The following NPY1R variants were observed in gnomAD, a reference collection of about 807,000 sequenced individuals.
The protein encoded by NPY1R is neuropeptide Y receptor Y1.
A neutral mutation model predicts 24.1 loss-of-function variants in NPY1R; 10 were observed. The ratio of observed to expected loss-of-function variants is 0.42; its 90% confidence interval spans 0.26 to 0.71. The LOEUF is 0.71. Among genes scored for constraint, NPY1R ranks in the 30% least tolerant of loss-of-function variants. The pLI is 0.28. For missense variants in NPY1R, 350 were observed against 458.0 expected (o/e 0.76, Z 2.15); for synonymous variants, 168 against 165.9 (o/e 1.01, Z -0.10).
At chr4:163,341,165 AT>A (rs1392925447) in intron 1 of NPY1R, among the ~76,000 whole-genome samples, 1 of 151,938 alleles carries the variant, frequency 6.6e-6, no homozygotes, top group Non-Finnish European at 1.5e-5. Flanking sequence ...CTAAATATTG[AT>A]TTATGTGACA....
In NPY1R at chr4:163,325,247, C is replaced by T; in HGVS notation, c.*56G>A. On this transcript the variant is annotated 3_prime_UTR_variant, in exon 3 of 3. Coordinates refer to ENST00000296533, the MANE Select transcript of NPY1R (RefSeq NM_000909.6). Reference sequence around the variant, plus strand: ...GAGAACAGGTAATCAAAGTATGTTGCAGGTTGTGCTTGTTTTTAAACAGAT... The same window carrying T: ...GAGAACAGGTAATCAAAGTATGTTGTAGGTTGTGCTTGTTTTTAAACAGAT... 5 of 1,192,136 alleles carry T rather than the reference C, an allele frequency of 4.2e-6. No individual in the cohort carries two copies. Among genetic ancestry groups the T allele is most frequent in the Non-Finnish European group, 6.0e-6 (5 of 830,568 alleles). The allele number at this position is 1,192,136 out of a possible 1,614,324, so 73.8% of individuals were successfully genotyped here.
chr4:163,334,328 T>C (rs1327048142), upstream of NPY1R, among the ~76,000 whole-genome samples: 2 of 152,256 alleles, frequency 1.3e-5, no homozygotes, highest in Non-Finnish European at 2.9e-5. Context: ...TGGACTCAGG[T>C]ACTATGCTTT....
chr4:163,334,512 T>C (rs1392406939), upstream of NPY1R, among the ~76,000 whole-genome samples: 1 of 152,218 alleles, frequency 6.6e-6, no homozygotes, highest in African/African-American at 2.4e-5. Context: ...TGAAAGATCA[T>C]TGGTCTCAAG....
At chr4:163,335,273 C>T (rs1254549278), upstream of NPY1R, among the ~76,000 whole-genome samples, 1 of 152,072 alleles carries the variant, frequency 6.6e-6, no homozygotes, top group Non-Finnish European at 1.5e-5. Context: ...TGTTAATGAC[C>T]TAATCTCATG....
Position 163,326,062 on chromosome 4 carries a change from G to C in NPY1R, c.493C>G (p.Leu165Val). 6.2e-7 allele frequency: 1 copy of C among 1,614,042 alleles called. No homozygotes were observed. Among genetic ancestry groups the C allele is most frequent in the Non-Finnish European group, 8.5e-7 (1 of 1,179,954 alleles). The change falls in exon 2 of 3, where the codon CTT becomes GTT. Residue 165 changes from leucine to valine, a missense_variant. Physicochemically the swap from Leu to Val is conservative, Grantham distance 32. Coordinates refer to ENST00000296533, the MANE Select transcript of NPY1R (RefSeq NM_000909.6). ...AYVGIAVIWVLAVASSLPFLI... is the reference protein window; with the variant it reads ...AYVGIAVIWVVAVASSLPFLI... ...AAAGGCAAAGAAGAAGCCACAGCAA[G>C]GACCCAAATCACAGCAATACCTACA...
At chr4:163,333,919 C>T (rs1734786158), upstream of NPY1R, among the ~76,000 whole-genome samples, 1 of 151,848 alleles carries the variant, frequency 6.6e-6, no homozygotes, top group Non-Finnish European at 1.5e-5. Flanking sequence ...TAGTGTATAA[C>T]AACAGATATA....
In NPY1R at chr4:163,325,726, C is replaced by T; in HGVS notation, c.732G>A (p.Met244Ile). 6.2e-7 allele frequency: 1 copy of T among 1,600,176 alleles called. No homozygotes were observed. The highest frequency in any genetic ancestry group is 1.3e-5 in the African/African-American group (1 of 74,766). The change falls in exon 3 of 3, where the codon ATG becomes ATA. Residue 244 changes from methionine to isoleucine, a missense_variant. Met to Ile is a conservative substitution (Grantham distance 10, BLOSUM62 1). Coordinates refer to ENST00000296533, the MANE Select transcript of NPY1R (RefSeq NM_000909.6). ...IYIRLKRRNN[M>I]MDKMRDNKYR... is the part of the protein sequence containing the mutation. ...ACTTATTGTCTCTCATCTTGTCCAT[C>T]ATGTTGTTTCTCCTTTTTAGGCGTA...
intron 1 of NPY1R, chr4:163,330,669 T>G (rs796597203): frequency 5.9e-5 from 9 of 152,370 alleles, no homozygotes; most frequent in African/African-American, 2.2e-4. Flanking sequence ...AGCTGCCATG[T>G]GCATATAGAG....
At chr4:163,333,696 T>C (rs1486270669), upstream of NPY1R, among the ~76,000 whole-genome samples, 1 of 152,236 alleles carries the variant, frequency 6.6e-6, no homozygotes, top group Non-Finnish European at 1.5e-5. Flanking sequence ...CTTTATACTG[T>C]TAAAAAACGT....
intron 1 of NPY1R, among the ~76,000 whole-genome samples, chr4:163,331,842 C>T (rs1318063655): frequency 6.6e-6 from 1 of 152,248 alleles, no homozygotes; most frequent in Non-Finnish European, 1.5e-5. Context: ...GGGCGCAGCG[C>T]CACACTCGAA....
At chr4:163,341,111 A>T (rs1250112851) in intron 1 of NPY1R, among the ~76,000 whole-genome samples, 1 of 152,040 alleles carries the variant, frequency 6.6e-6, no homozygotes. Flanking sequence ...TTCAAAAAAA[A>T]ATCATGTATT....
upstream of NPY1R, among the ~76,000 whole-genome samples, chr4:163,336,139 C>G (rs1243581700): frequency 6.6e-6 from 1 of 152,088 alleles, no homozygotes; most frequent in Non-Finnish European, 1.5e-5. Flanking sequence ...AATGTGAATG[C>G]CTTTCAGTAA....
At chr4:163,329,606 A>AC in intron 1 of NPY1R, among the ~76,000 whole-genome samples, 1 of 152,148 alleles carries the variant, frequency 6.6e-6, no homozygotes, top group African/African-American at 2.4e-5. Flanking sequence ...GTCTCAAAAA[A>AC]AAAAAAAGAA....
intron 1 of NPY1R, among the ~76,000 whole-genome samples, chr4:163,327,055 A>G (rs1368240575): frequency 6.6e-6 from 1 of 152,196 alleles, no homozygotes; most frequent in Non-Finnish European, 1.5e-5. Context: ...CACAGATTAA[A>G]ACATAAGAAA....
intron 1 of NPY1R, among the ~76,000 whole-genome samples, chr4:163,343,156 G>T (rs1375789211): frequency 6.6e-6 from 1 of 151,306 alleles, no homozygotes; most frequent in African/African-American, 2.4e-5. Flanking sequence ...TTCTTCTTTT[G>T]TGTGGGCTTT....
At chr4:163,328,921 A>G (rs1734667600) in intron 1 of NPY1R, among the ~76,000 whole-genome samples, 1 of 152,154 alleles carries the variant, frequency 6.6e-6, no homozygotes, top group African/African-American at 2.4e-5. Flanking sequence ...CAAGTATTAG[A>G]CTTAGAATAA....
chr4:163,342,953 C>T (rs181153024), intron 1 of NPY1R, among the ~76,000 whole-genome samples: 1 of 133,430 alleles, frequency 7.5e-6, no homozygotes, highest in Admixed American at 7.4e-5. Context: ...TCTCCCTTCT[C>T]TCCTTCTCTC....
upstream of NPY1R, among the ~76,000 whole-genome samples, chr4:163,333,449 C>A (rs1009090949): frequency 3.9e-5 from 6 of 151,988 alleles, no homozygotes; most frequent in African/African-American, 1.5e-4. Context: ...TTTCAAAAGT[C>A]AAAGTTGTAA....
At position 163,326,724 on chromosome 4, in the gene NPY1R, C is replaced by G. The variant is rs1734618562; in HGVS notation, c.-151-19G>C. 1.4e-5 allele frequency: 7 copies of G among 501,582 alleles called. No homozygotes were observed. The allele number at this position is 501,582 out of a possible 1,614,324, so 31.1% of individuals were successfully genotyped here. Reference sequence around the variant, plus strand: ...GAACAATCTGTAAAGAGAAAATGACCAATTGCATTACTAATTTTATTGAGG... The same window carrying G: ...GAACAATCTGTAAAGAGAAAATGACGAATTGCATTACTAATTTTATTGAGG... On this transcript the variant is annotated intron_variant, in intron 1 of 2. Coordinates refer to ENST00000296533, the MANE Select transcript of NPY1R (RefSeq NM_000909.6).
Sources: allele counts gnomAD v4.1 joint callset (sites outside exome capture counted in the v4.1 genomes callset), GRCh38; gene constraint gnomAD v4.1.1; transcripts MANE v1.5; gene names NCBI Gene and HGNC (gene_info 2026-07-23, HGNC 2026-07-21).